OPHN1: variants seen among roughly 807,000 people sequenced by gnomAD.
OPHN1 encodes oligophrenin 1.
Under a neutral mutation model 60.7 loss-of-function variants are expected in OPHN1, and 11 were observed. The ratio of observed to expected loss-of-function variants is 0.18; its 90% confidence interval spans 0.11 to 0.30. The LOEUF (loss-of-function observed/expected upper bound fraction) is 0.30, where lower values mean the gene tolerates loss of function less well. OPHN1 is among the 10% of genes least tolerant of loss of function. The pLI is 1.00. For synonymous variants in OPHN1, 226 were observed against 222.6 expected (o/e 1.02, Z -0.14); for missense variants, 449 against 611.0 (o/e 0.73, Z 2.80).
At chrX:68,105,960 T>A (rs1270343722) in intron 18 of OPHN1, among the ~76,000 whole-genome samples, 1 of 109,227 alleles carries the variant, frequency 9.2e-6, no homozygotes, top group Non-Finnish European at 1.9e-5. Flanking sequence ...TCTGGAAAAG[T>A]CAAAATTGTT....
intron 3 of OPHN1, 102 bp downstream of exon 3, chrX:68,298,899 T>C: frequency 4.0e-6 from 2 of 501,878 alleles, no homozygotes; most frequent in Non-Finnish European, 7.1e-6. Flanking sequence ...TGGACCACAG[T>C]GGATGAAGAT....
chrX:68,404,778 C>T (rs977929026), intron 2 of OPHN1, among the ~76,000 whole-genome samples: 8 of 111,879 alleles, frequency 7.2e-5, no homozygotes, highest in Admixed American at 9.5e-5. Flanking sequence ...ACACATGCTA[C>T]GTGAAAGAAC....
At chrX:68,289,432 A>G (rs925893321) in intron 3 of OPHN1, among the ~76,000 whole-genome samples, 1 of 112,530 alleles carries the variant, frequency 8.9e-6, no homozygotes, top group Non-Finnish European at 1.9e-5. Flanking sequence ...GCAAGGTCAT[A>G]TAAATTACAG....
Position 68,096,856 on chromosome X carries a change from T to C in OPHN1, c.1686+14A>G, listed in dbSNP as rs1156303718. On this transcript the variant is annotated intron_variant, in intron 19 of 24. Transcript: ENST00000355520. ...ATGTTTGGAAGACAGGTAGTGAGAA[T>C]AGAAAATGCATACCTTGCCAAAGTG... 8 of 1,205,982 alleles carry C rather than the reference T, an allele frequency of 6.6e-6. No individual in the cohort carries two copies. Among genetic ancestry groups the C allele is most frequent in the African/African-American group, 3.5e-5 (2 of 56,956 alleles).
intron 15 of OPHN1, among the ~76,000 whole-genome samples, chrX:68,135,222 A>G (rs1418728049): frequency 1.8e-5 from 2 of 112,062 alleles, no homozygotes; most frequent in Non-Finnish European, 3.8e-5. Context: ...AATCTAACCG[A>G]AAACTGCAAC....
At chrX:68,239,828 TTTC>T (rs1359567908) in intron 5 of OPHN1, among the ~76,000 whole-genome samples, 1 of 108,937 alleles carries the variant, frequency 9.2e-6, no homozygotes, top group Non-Finnish European at 1.9e-5. Context: ...TTTTTTTTTT[TTTC>T]TTTAGAAGGA....
intron 8 of OPHN1, among the ~76,000 whole-genome samples, chrX:68,210,916 G>A (rs1194563117): frequency 2.7e-5 from 3 of 111,297 alleles, no homozygotes; most frequent in African/African-American, 9.8e-5. Flanking sequence ...TTAAAATTAT[G>A]ACATGATGTT....
intron 2 of OPHN1, among the ~76,000 whole-genome samples, chrX:68,328,755 C>T (rs1244539009): frequency 1.8e-5 from 2 of 111,043 alleles, no homozygotes; most frequent in Admixed American, 9.6e-5. Context: ...GAAAAATGGG[C>T]AAATACTACA....
At chrX:68,254,994 G>A (rs1205735677) in intron 5 of OPHN1, among the ~76,000 whole-genome samples, 1 of 101,179 alleles carries the variant, frequency 9.9e-6, no homozygotes, top group Non-Finnish European at 2.0e-5. Context: ...CAGACTGGGA[G>A]GCAGATCGAG....
chrX:68,053,868 T>C (rs1038787264), intron 21 of OPHN1, 58 bp from the exon 22 acceptor site: 141 of 1,148,069 alleles, frequency 1.2e-4, no homozygotes, highest in Non-Finnish European at 1.6e-4. Flanking sequence ...ACACTACTCA[T>C]GAGCAGGCAC....
chrX:68,050,073 C>T (rs1407101954), intron 23 of OPHN1, among the ~76,000 whole-genome samples: 1 of 111,995 alleles, frequency 8.9e-6, no homozygotes, highest in East Asian at 2.8e-4. Flanking sequence ...GAGAGAAGAA[C>T]TTAGCAACAA....
intron 15 of OPHN1, among the ~76,000 whole-genome samples, chrX:68,147,266 A>T (rs1319710630): frequency 8.9e-6 from 1 of 111,935 alleles, no homozygotes; most frequent in Non-Finnish European, 1.9e-5. Flanking sequence ...CCCCAAGGAT[A>T]ACCTTAGTGA....
chrX:68,220,180 G>C (rs1329822320), intron 6 of OPHN1, among the ~76,000 whole-genome samples: 1 of 105,820 alleles, frequency 9.5e-6, no homozygotes, highest in Non-Finnish European at 2.0e-5. Context: ...AGAAAATCTA[G>C]AAGAAATGGA....
intron 5 of OPHN1, among the ~76,000 whole-genome samples, chrX:68,249,453 G>T (rs1412052591): frequency 8.9e-6 from 1 of 111,800 alleles, no homozygotes; most frequent in Non-Finnish European, 1.9e-5. Context: ...GACACAAAAT[G>T]CCTCGAGAAC....
At chrX:68,100,396 T>C (rs1165541272) in intron 18 of OPHN1, among the ~76,000 whole-genome samples, 2 of 112,139 alleles carry the variant, frequency 1.8e-5, no homozygotes, top group African/African-American at 6.5e-5. Flanking sequence ...TTAGATGTGA[T>C]GTTATGTTTA....
At chrX:68,185,918 T>C (rs1005557563) in intron 15 of OPHN1, among the ~76,000 whole-genome samples, 1 of 111,031 alleles carries the variant, frequency 9.0e-6, no homozygotes, top group African/African-American at 3.3e-5. Flanking sequence ...TGTTACAGTC[T>C]CCCAAAGTTA....
chrX:68,252,435 A>T (rs1160817351), intron 5 of OPHN1, among the ~76,000 whole-genome samples: 3 of 111,968 alleles, frequency 2.7e-5, no homozygotes, highest in Non-Finnish European at 5.6e-5. Context: ...ATCAGGCAAC[A>T]TCATCTACCA....
At chrX:68,347,081 T>A (rs1336409881) in intron 2 of OPHN1, among the ~76,000 whole-genome samples, 1 of 111,704 alleles carries the variant, frequency 9.0e-6, no homozygotes, top group Admixed American at 9.6e-5. Flanking sequence ...CTTCTTCACC[T>A]ACCTTGTGGC....
At chrX:68,363,681 T>C (rs1390053366) in intron 2 of OPHN1, among the ~76,000 whole-genome samples, 2 of 111,599 alleles carry the variant, frequency 1.8e-5, no homozygotes, top group African/African-American at 6.5e-5. Flanking sequence ...TAGTGGATGA[T>C]AGTAAGAAAT....
Sources: allele counts gnomAD v4.1 joint callset (sites outside exome capture counted in the v4.1 genomes callset), GRCh38; gene constraint gnomAD v4.1.1; transcripts MANE v1.5; gene names NCBI Gene and HGNC (gene_info 2026-07-23, HGNC 2026-07-21).